RAD21L1: variants seen among roughly 807,000 people sequenced by gnomAD.
RAD21L1 encodes RAD21 cohesin complex component like 1, also known as double-strand-break repair protein rad21-like protein 1.
In RAD21L1, 47 loss-of-function variants were observed where a neutral mutation model predicts 69.0. The observed-to-expected ratio is 0.68, with a 90% CI of 0.54 to 0.87. The LOEUF is 0.87. RAD21L1 is among the 40% of genes least tolerant of loss of function. RAD21L1 has a pLI of 0.00. For missense variants in RAD21L1, 583 were observed against 647.6 expected, an observed-to-expected ratio of 0.90 and a Z score of 1.08; for synonymous variants, 177 against 205.8, an observed-to-expected ratio of 0.86 and a Z score of 1.20.
At chr20:1,248,877 G>A (rs1435594302) in intron 13 of RAD21L1, among the ~76,000 whole-genome samples, 174 bp downstream of exon 13, 1 of 152,022 alleles carries the variant, frequency 6.6e-6, no homozygotes, top group African/African-American at 2.4e-5. Flanking sequence ...ATAGAAGTTT[G>A]GATTTGGTGC....
At chr20:1,234,330 C>T in intron 5 of RAD21L1, 139 bp downstream of exon 5, 1 of 594,276 alleles carries the variant, frequency 1.7e-6, no homozygotes, top group East Asian at 2.9e-5. Flanking sequence ...TTTTTCCTTG[C>T]CTTTTTCTAG....
At chr20:1,242,509 A>G in intron 8 of RAD21L1, 110 bp from the exon 9 acceptor site, 1 of 811,386 alleles carries the variant, frequency 1.2e-6, no homozygotes, top group Non-Finnish European at 2.0e-6. Flanking sequence ...CTAGGATTAC[A>G]GGCATGAGCC....
chr20:1,248,158 G>T (rs1335685292), intron 12 of RAD21L1, among the ~76,000 whole-genome samples: 1 of 148,998 alleles, frequency 6.7e-6, no homozygotes, highest in Non-Finnish European at 1.5e-5. Flanking sequence ...TAACCCAATT[G>T]TACACAAACT....
At chr20:1,239,268 C>G in intron 6 of RAD21L1, 44 bp from the exon 7 acceptor site, 1 of 1,057,696 alleles carries the variant, frequency 9.5e-7, no homozygotes, top group Non-Finnish European at 1.4e-6. Context: ...GAACAAATGA[C>G]AGATTCCAGT....
chr20:1,235,913 A>G (rs920655060), intron 5 of RAD21L1, among the ~76,000 whole-genome samples: 2 of 151,976 alleles, frequency 1.3e-5, no homozygotes, highest in African/African-American at 4.8e-5. Flanking sequence ...GACTACAGGC[A>G]TGCACCTCCG....
chr20:1,229,842 A>C (rs2087354419), intron 2 of RAD21L1, 38 bp from the exon 3 acceptor site: 2 of 1,451,760 alleles, frequency 1.4e-6, no homozygotes, highest in Non-Finnish European at 1.9e-6. Context: ...TTATGAACCT[A>C]ATCTTTACTC....
chr20:1,233,510 C>T (rs574617895), intron 4 of RAD21L1, among the ~76,000 whole-genome samples: 3 of 152,132 alleles, frequency 2.0e-5, no homozygotes, highest in East Asian at 1.9e-4. Context: ...TAACAAAATA[C>T]CATAAACTGG....
intron 3 of RAD21L1, chr20:1,230,696 G>T: frequency 4.0e-6 from 2 of 498,122 alleles, no homozygotes; most frequent in Non-Finnish European, 5.2e-6. Flanking sequence ...AACATTTGTT[G>T]AATCAGGATT....
At chr20:1,252,704 A>G (rs2087859527) in intron 13 of RAD21L1, among the ~76,000 whole-genome samples, 1 of 140,142 alleles carries the variant, frequency 7.1e-6, no homozygotes, top group African/African-American at 2.5e-5. Context: ...TCCTGTTTTC[A>G]GCTTCATCCC....
intron 1 of RAD21L1, among the ~76,000 whole-genome samples, chr20:1,227,383 T>C (rs1461311133): frequency 1.3e-5 from 2 of 152,264 alleles, no homozygotes; most frequent in African/African-American, 4.8e-5. Context: ...GAACATGGTT[T>C]GGCGGATTGC....
chr20:1,238,013 G>A, intron 5 of RAD21L1, 31 bp from the exon 6 acceptor site: 1 of 1,212,440 alleles, frequency 8.2e-7, no homozygotes, highest in Non-Finnish European at 1.1e-6. Context: ...GTGTTTCTAT[G>A]AATTAGTATT....
At chr20:1,240,539 A>G (rs999690957) in intron 8 of RAD21L1, 105 bp downstream of exon 8, 86 of 1,424,474 alleles carry the variant, frequency 6.0e-5, no homozygotes, top group Non-Finnish European at 7.6e-5. Context: ...TAGTCAATCT[A>G]GTAATAGCAC....
At chr20:1,235,657 A>AGAG (rs2087479502) in intron 5 of RAD21L1, among the ~76,000 whole-genome samples, 1 of 152,070 alleles carries the variant, frequency 6.6e-6, no homozygotes, top group South Asian at 2.1e-4. Flanking sequence ...ACTGGCTATA[A>AGAG]CCCCAGACCC....
rs2087895937 is a variant in RAD21L1, at chr20:1,254,409, C to T, written c.1620C>T (p.Pro540=). ...CTATTGAGCTGAGCCAGAGTGCTCC[C>T]TATGCAGATATTATAGCTACGATGG... The part of the protein sequence containing the change: ...QLAIELSQSA[P]YADIIATMGP... Residue 540 remains proline (P), a synonymous_variant, in exon 14 of 14, where the codon CCC becomes CCT. Transcript: ENST00000683101. The T allele has an allele frequency of 6.5e-7, 1 of 1,549,058 alleles. No homozygotes were observed. The highest frequency in any genetic ancestry group is 8.7e-7 in the Non-Finnish European group (1 of 1,145,704).
intron 5 of RAD21L1, among the ~76,000 whole-genome samples, chr20:1,234,398 C>T (rs934394510): frequency 6.6e-6 from 1 of 152,126 alleles, no homozygotes; most frequent in Admixed American, 6.6e-5. Flanking sequence ...CAGTGTATAA[C>T]CATTTACTGA....
Position 1,246,227 on chromosome 20 carries a change from G to C in RAD21L1, c.1323G>C (p.Met441Ile). The C allele has an allele frequency of 6.5e-7, 1 of 1,536,964 alleles. No homozygotes were observed. The highest frequency in any genetic ancestry group is 8.8e-7 in the Non-Finnish European group (1 of 1,140,652). ...KNINSEDIVE[M>I]VSLAAEESSL... ...TGCTTCAGCAGGATATTGTTGAAAT[G>C]GTGTCTTTAGCTGCTGAGGAATCAT... Residue 441 changes from methionine to isoleucine, a missense_variant, in exon 12 of 14, where the codon ATG (methionine) becomes ATC (isoleucine). By Grantham distance (10) the Met-to-Ile change is conservative (BLOSUM62 1). Transcript: ENST00000683101. The surrounding 1 kb of genome is among the most constrained non-coding windows in gnomAD (Gnocchi z 4.6).
chr20:1,230,836 T>A (rs1051542858), intron 3 of RAD21L1: 2 of 369,682 alleles, frequency 5.4e-6, no homozygotes, highest in African/African-American at 4.4e-5. Flanking sequence ...TTCATTGATT[T>A]CATACTTTGT....
At chr20:1,226,842 A>T (rs1190494903) in intron 1 of RAD21L1, among the ~76,000 whole-genome samples, 6 of 152,228 alleles carry the variant, frequency 3.9e-5, no homozygotes, top group African/African-American at 1.4e-4. Flanking sequence ...TGTCTCAGGA[A>T]TAGCAAATCT....
At chr20:1,252,649 G>A (rs1259887384) in intron 13 of RAD21L1, among the ~76,000 whole-genome samples, 2 of 135,754 alleles carry the variant, frequency 1.5e-5, no homozygotes, top group Admixed American at 7.1e-5. Flanking sequence ...TGCTGTGTGA[G>A]TAGCGGTCTC....
Sources: gnomAD v4.1 joint callset for allele counts (sites outside exome capture counted in the v4.1 genomes callset) on GRCh38, gnomAD v4.1.1 for gene constraint, Gnocchi (gnomAD v3.1) non-coding constraint, MANE v1.5 for transcripts, NCBI Gene and HGNC (gene_info 2026-07-23, HGNC 2026-07-21) for gene names.